The following KIF9 variants were observed in gnomAD, a reference collection of about 807,000 sequenced individuals.
The protein encoded by KIF9 is kinesin-like protein KIF9.
In KIF9, 68 loss-of-function variants were observed where a neutral mutation model predicts 94.8. That is an observed-to-expected ratio of 0.72 (90% CI 0.59 to 0.88). The LOEUF (loss-of-function observed/expected upper bound fraction) is 0.88, where lower values mean the gene tolerates loss of function less well. KIF9 is among the 40% of genes least tolerant of loss of function. The probability of loss-of-function intolerance (pLI) is 0.00; values close to 1 mark genes in which losing one functional copy is unlikely to be tolerated. For missense variants in KIF9, 882 were observed against 982.5 expected, an observed-to-expected ratio of 0.90 and a Z score of 1.37; for synonymous variants, 343 against 362.1, an observed-to-expected ratio of 0.95 and a Z score of 0.60.
chr3:47,248,766 AAGGCTCTTGCTCTGTCCTCC>A (rs1243915552), intron 10 of KIF9, among the ~76,000 whole-genome samples: 5 of 152,128 alleles, frequency 3.3e-5, no homozygotes, highest in Middle Eastern at 6.8e-3. Flanking sequence ...TTTTTAGAGA[AAGGCTCTTGCTCTGTCCTCC>A]AGGCTGGAGT....
chr3:47,233,997 C>A (rs1454967655), intron 20 of KIF9, among the ~76,000 whole-genome samples: 1 of 152,050 alleles, frequency 6.6e-6, no homozygotes, highest in African/African-American at 2.4e-5. Flanking sequence ...GCAGGAGAAT[C>A]ACTTGAACCT....
chr3:47,249,655 G>A (rs911362502), intron 10 of KIF9, among the ~76,000 whole-genome samples: 1 of 152,076 alleles, frequency 6.6e-6, no homozygotes, highest in Non-Finnish European at 1.5e-5. Context: ...TTGCTTGTCC[G>A]CTGCCCTGGA....
chr3:47,237,499 A>G (rs527396815), intron 17 of KIF9, among the ~76,000 whole-genome samples: 1 of 152,322 alleles, frequency 6.6e-6, no homozygotes, highest in East Asian at 1.9e-4. Flanking sequence ...CTTTGCATGG[A>G]TCTTTTAAGG....
intron 10 of KIF9, among the ~76,000 whole-genome samples, chr3:47,253,783 C>A (rs1290951184): frequency 1.3e-5 from 2 of 152,168 alleles, no homozygotes; most frequent in Non-Finnish European, 1.5e-5. Flanking sequence ...CTTAGCTACT[C>A]CCCTGTTAAA....
In KIF9 at chr3:47,265,996, C is replaced by T; in HGVS notation, c.769-119G>A. 9 of 1,025,640 alleles carry T rather than the reference C, an allele frequency of 8.8e-6. No homozygotes were observed. The South Asian group carries it at 1.4e-4, about 16-fold the overall frequency. The allele number at this position is 1,025,640 out of a possible 1,614,324, so 63.5% of individuals were successfully genotyped here. A position where few individuals can be genotyped will look rare whatever the true frequency, so the allele number is the denominator to read the frequency against. On this transcript the variant is annotated intron_variant, in intron 7 of 20. Transcript: ENST00000684063. ...CTGTGGTCAGGTCAGCGCCTCCTTC[C>T]CAGAACCAGGGTCTTCTTTCAATGT...
intron 9 of KIF9, among the ~76,000 whole-genome samples, 163 bp from the exon 10 acceptor site, chr3:47,257,723 T>C (rs1700713539): frequency 1.3e-5 from 2 of 152,146 alleles, no homozygotes; most frequent in Admixed American, 1.3e-4. Flanking sequence ...AAAAGAGTTC[T>C]TGGGTATGAG....
chr3:47,261,936 A>G (rs866612848), intron 9 of KIF9, among the ~76,000 whole-genome samples: 38 of 152,368 alleles, frequency 2.5e-4, no homozygotes, highest in Admixed American at 7.8e-4. Context: ...AATACAATCC[A>G]TGATGAGAAT....
chr3:47,265,767 C>A lies in KIF9; in HGVS notation c.879G>T (p.Arg293=), dbSNP rs775440273. Residue 293 remains arginine (R), a synonymous_variant, in exon 8 of 21, where the codon CGG becomes CGT. Transcript: ENST00000684063. ...TCAGAGCGTGGGTGAGCTTGCACTG[C>A]CGAAAGGGGATGTGGTCCCGCTTCT... ...GDQKRDHIPF[R]QCKLTHALKD... is the part of the protein sequence containing the mutation. 2.2e-5 allele frequency: 35 copies of A among 1,614,060 alleles called. 1 individual carries two copies. The highest frequency in any genetic ancestry group is 1.7e-5 in the Admixed American group (1 of 60,004).
intron 10 of KIF9, among the ~76,000 whole-genome samples, chr3:47,252,050 G>A (rs1002780604): frequency 3.3e-5 from 5 of 152,296 alleles, no homozygotes; most frequent in Admixed American, 6.5e-5. Flanking sequence ...TTCTGAAGAA[G>A]CAATTCTACC....
At position 47,282,520 on chromosome 3, in the gene KIF9, G is replaced by A; in HGVS notation, c.-31C>T. 1 of 996,808 alleles carries A rather than the reference G, an allele frequency of 1.0e-6. No homozygotes were observed. The highest frequency in any genetic ancestry group is 1.2e-6 in the Non-Finnish European group (1 of 836,258). The allele number at this position is 996,808 out of a possible 1,614,324, so 61.7% of individuals were successfully genotyped here. A position where few individuals can be genotyped will look rare whatever the true frequency, so the allele number is the denominator to read the frequency against. The stretch of plus-strand genomic sequence containing the variant: ...CGTTCACCAGGCAGCGACGCTCCCG[G>A]GACGCGACTGCCGCAACCGAAACCA... On this transcript the variant is annotated 5_prime_UTR_variant, in exon 1 of 21. Transcript: ENST00000684063.
chr3:47,271,397 A>G lies in KIF9; in HGVS notation c.431T>C (p.Ile144Thr), dbSNP rs1256149873. The part of the protein sequence containing the change: ...AITVRVSYLE[I>T]YNESLFDLLS... ...GAGATCAAACAGGCTCTCATTATAG[A>G]TTTCCAAGTAGGAAACACGCACAGT... Residue 144 changes from isoleucine (I) to threonine (T), a missense_variant, in exon 5 of 21, where the codon ATC becomes ACC. Physicochemically the swap from Ile to Thr is moderately conservative, Grantham distance 89. Coordinates refer to ENST00000684063, the MANE Select transcript of KIF9 (RefSeq NM_182902.4). 6.2e-7 allele frequency: 1 copy of G among 1,613,958 alleles called. No homozygotes were observed. Among genetic ancestry groups the G allele is most frequent in the African/African-American group, 1.3e-5 (1 of 74,908 alleles).
At chr3:47,236,237 C>G (rs1377620699) in intron 18 of KIF9, 88 bp from the exon 19 acceptor site, 4 of 1,104,994 alleles carry the variant, frequency 3.6e-6, no homozygotes, top group Non-Finnish European at 5.5e-6. Context: ...GGCTCACCAT[C>G]TGTTCACTTC....
intron 17 of KIF9, among the ~76,000 whole-genome samples, chr3:47,237,050 G>A (rs13099911): frequency 1.3e-5 from 2 of 152,214 alleles, no homozygotes; most frequent in Non-Finnish European, 2.9e-5. Context: ...AATAACAGCA[G>A]ATGTTCAAAT....
At chr3:47,279,703 G>A (rs552078250) in intron 1 of KIF9, among the ~76,000 whole-genome samples, 1 of 150,146 alleles carries the variant, frequency 6.7e-6, no homozygotes, top group African/African-American at 2.4e-5. Context: ...TGCAAGCTCC[G>A]CCCCCCAGGT....
intron 7 of KIF9, 185 bp from the exon 8 acceptor site, chr3:47,266,062 C>A: frequency 3.5e-6 from 2 of 563,944 alleles, no homozygotes; most frequent in Non-Finnish European, 6.3e-6. Flanking sequence ...ATGGTAATAC[C>A]AAAACTCAGA....
rs1458181698 is a variant in KIF9 at position 47,236,017 on chromosome 3, G to A, written c.2217+17C>T. ...CATGTTCAACCACTGCCACACCCCT[G>A]CCCCTGTGCCGCTCACCAGAGACAC... On this transcript the variant is annotated intron_variant, in intron 19 of 20. Transcript: ENST00000684063. The A allele has an allele frequency of 3.2e-6, 5 of 1,578,834 alleles. No individual in the cohort carries two copies. The East Asian group carries it at 8.9e-5, about 28-fold the overall frequency.
At chr3:47,266,890 T>A in intron 7 of KIF9, 86 bp downstream of exon 7, 1 of 979,016 alleles carries the variant, frequency 1.0e-6, no homozygotes, top group South Asian at 1.3e-5. Context: ...AAATATCCAA[T>A]GAGTCATGGC....
chr3:47,278,159 C>A (rs1490175814), intron 1 of KIF9, among the ~76,000 whole-genome samples: 1 of 151,902 alleles, frequency 6.6e-6, no homozygotes, highest in Admixed American at 6.6e-5. Context: ...GCAGCCTTGA[C>A]CTCCCAGGCT....
chr3:47,266,847 G>A, intron 7 of KIF9, 129 bp downstream of exon 7: 1 of 741,404 alleles, frequency 1.3e-6, no homozygotes, highest in South Asian at 1.7e-5. Flanking sequence ...AAGCCCACAT[G>A]TCCCACTTCG....
Sources: allele counts gnomAD v4.1 joint callset (sites outside exome capture counted in the v4.1 genomes callset), GRCh38; gene constraint gnomAD v4.1.1; transcripts MANE v1.5; gene names NCBI Gene and HGNC (gene_info 2026-07-23, HGNC 2026-07-21).